Variants in LUC7L observed in about 807,000 individuals in gnomAD.
The protein encoded by LUC7L is LUC7 like, also known as putative RNA-binding protein Luc7-like 1.
Under a neutral mutation model 51.1 loss-of-function variants are expected in LUC7L, and 29 were observed. The ratio of observed to expected loss-of-function variants is 0.57; its 90% CI spans 0.42 to 0.77. The LOEUF (loss-of-function observed/expected upper bound fraction) is 0.77, where lower values mean the gene tolerates loss of function less well. Among genes scored for constraint, LUC7L ranks in the 30% least tolerant of loss-of-function variants. The pLI is 0.00. For missense variants in LUC7L, 403 were observed against 511.9 expected, an observed-to-expected ratio of 0.79 and a Z score of 2.05; for synonymous variants, 181 against 180.7, an observed-to-expected ratio of 1.00 and a Z score of -0.01.
chr16:205,159 T>C (rs913938081), intron 5 of LUC7L, among the ~76,000 whole-genome samples: 7 of 152,210 alleles, frequency 4.6e-5, no homozygotes, highest in Non-Finnish European at 1.0e-4. Context: ...CTGTCATGTA[T>C]GGTCTGTAAG....
intron 6 of LUC7L, among the ~76,000 whole-genome samples, chr16:198,344 G>T (rs941582419): frequency 1.3e-5 from 2 of 149,390 alleles, no homozygotes; most frequent in Non-Finnish European, 3.0e-5. Flanking sequence ...AAGGAACAGA[G>T]GTTTTCTCTG....
At chr16:199,290 C>T (rs573213421) in intron 5 of LUC7L, 52 bp from the exon 6 acceptor site, 1 of 1,106,776 alleles carries the variant, frequency 9.0e-7, no homozygotes, top group South Asian at 1.6e-5. Flanking sequence ...ACTGCCACCA[C>T]AAATTCAATC....
chr16:216,389 T>G (rs1423636962), intron 3 of LUC7L, among the ~76,000 whole-genome samples: 10 of 148,932 alleles, frequency 6.7e-5, no homozygotes, highest in East Asian at 3.9e-4. Flanking sequence ...TGTTTTTTTT[T>G]TTTTTTTTTT....
At chr16:220,882 A>G in intron 2 of LUC7L, 135 bp from the exon 3 acceptor site, 4 of 634,896 alleles carry the variant, frequency 6.3e-6, no homozygotes, top group Non-Finnish European at 1.1e-5. Flanking sequence ...AAGAAAATTA[A>G]GAAAGGAGAT....
intron 5 of LUC7L, among the ~76,000 whole-genome samples, chr16:199,883 A>G (rs2049272660): frequency 6.6e-6 from 1 of 150,846 alleles, no homozygotes; most frequent in Admixed American, 6.6e-5. Flanking sequence ...CCAGCTACTC[A>G]GGAGGCTGAG....
intron 3 of LUC7L, among the ~76,000 whole-genome samples, chr16:218,053 C>A (rs987889408): frequency 2.0e-5 from 3 of 150,540 alleles, no homozygotes; most frequent in South Asian, 4.2e-4. Flanking sequence ...ATTAGCCAGG[C>A]ATGGTGGCAG....
At chr16:207,866 G>C (rs548469342) in intron 4 of LUC7L, among the ~76,000 whole-genome samples, 14 of 152,130 alleles carry the variant, frequency 9.2e-5, no homozygotes, top group Admixed American at 2.0e-4. Context: ...AAAATTAGCC[G>C]GGCATGGTGG....
intron 6 of LUC7L, among the ~76,000 whole-genome samples, chr16:194,057 C>G (rs2049087080): frequency 6.6e-6 from 1 of 152,114 alleles, no homozygotes; most frequent in Non-Finnish European, 1.5e-5. Flanking sequence ...CCCGCCTCGG[C>G]CTCCCACAGT....
chr16:204,445 T>C (rs1387515897), intron 5 of LUC7L, among the ~76,000 whole-genome samples: 3 of 151,904 alleles, frequency 2.0e-5, no homozygotes, highest in Non-Finnish European at 4.4e-5. Flanking sequence ...TACAAAAAAA[T>C]TAGCCGGGCG....
chr16:229,315 C>A lies in LUC7L; in HGVS notation c.25G>T (p.Ala9Ser). Residue 9 changes from alanine to serine, a missense_variant, in exon 1 of 10, where the codon GCC becomes TCC. Ala to Ser is a moderately conservative substitution (Grantham distance 99). Transcript: ENST00000293872. MSAQAQMRALLDQLMGTAR... is the reference protein window; with the variant it reads MSAQAQMRSLLDQLMGTAR... ...GTGCCCATGAGCTGGTCCAGCAGGGCCCGCATCTGCGCCTGGGCGGACATG... is the reference window on the plus strand; with the variant it reads ...GTGCCCATGAGCTGGTCCAGCAGGGACCGCATCTGCGCCTGGGCGGACATG... The A allele has an allele frequency of 6.5e-7, 1 of 1,529,534 alleles. No homozygotes were observed. Among genetic ancestry groups the A allele is most frequent in the Non-Finnish European group, 8.7e-7 (1 of 1,145,208 alleles). 94.7% of individuals were successfully genotyped at this position (1,529,534 alleles called of 1,614,324 possible).
At chr16:200,142 G>T (rs969242609) in intron 5 of LUC7L, among the ~76,000 whole-genome samples, 2 of 152,122 alleles carry the variant, frequency 1.3e-5, no homozygotes, top group Admixed American at 1.3e-4. Flanking sequence ...ACAAAAATTG[G>T]CCGGGCGCGG....
At chr16:206,514 G>A (rs2049487927) in intron 4 of LUC7L, among the ~76,000 whole-genome samples, 2 of 152,106 alleles carry the variant, frequency 1.3e-5, no homozygotes, top group South Asian at 4.1e-4. Context: ...TTTACCTTCT[G>A]AAACAAAATA....
rs1233149081 is a variant in LUC7L at position 229,033 on chromosome 16, G to A, written c.61+246C>T. 6 of 1,428,374 alleles carry A rather than the reference G, an allele frequency of 4.2e-6. No homozygotes were observed. The East Asian group carries it at 1.1e-4, about 25-fold the overall frequency. 88.5% of individuals were successfully genotyped at this position (1,428,374 alleles called of 1,614,324 possible). ...GGAGGAAGTAGCAGGACGGTACATA[G>A]GAAGGAGGCTGAAGCCCCATCCATG... On this transcript the variant is annotated intron_variant, in intron 1 of 9. Coordinates refer to ENST00000293872, the MANE Select transcript of LUC7L (RefSeq NM_201412.3).
At position 219,248 on chromosome 16, in the gene LUC7L, G is replaced by T. The variant is rs536558757; in HGVS notation, c.255+1401C>A. 2.0e-5 allele frequency among the ~76,000 whole-genome samples: 3 copies of T among 152,174 alleles called. No homozygotes were observed. In the East Asian group the frequency reaches 5.8e-4, roughly 29 times the overall value. On this transcript the variant is annotated intron_variant, in intron 3 of 9. Coordinates refer to ENST00000293872, the MANE Select transcript of LUC7L (RefSeq NM_201412.3). ...TACCAAAAATACAAAAATGAGCTGG[G>T]CATGGTGGCGCATGCCTGTCATCCC...
At chr16:220,512 G>A in intron 3 of LUC7L, 137 bp downstream of exon 3, 1 of 687,124 alleles carries the variant, frequency 1.5e-6, no homozygotes, top group Non-Finnish European at 2.6e-6. Flanking sequence ...CTGTATTCTA[G>A]CTCTGAGCTT....
At chr16:193,198 G>C (rs71376702) in intron 6 of LUC7L, among the ~76,000 whole-genome samples, 183 bp from the exon 7 acceptor site, 4 of 152,226 alleles carry the variant, frequency 2.6e-5, no homozygotes, top group Admixed American at 6.5e-5. Context: ...CACCAGGCTG[G>C]AGTGCAGTGG....
At chr16:217,109 T>G (rs574432576) in intron 3 of LUC7L, among the ~76,000 whole-genome samples, 1 of 152,050 alleles carries the variant, frequency 6.6e-6, no homozygotes, top group African/African-American at 2.4e-5. Context: ...CTTCACCAAC[T>G]GGGTTCAAGC....
intron 3 of LUC7L, 190 bp downstream of exon 3, chr16:220,459 G>A (rs2049933538): frequency 3.8e-6 from 2 of 533,244 alleles, no homozygotes; most frequent in Non-Finnish European, 6.6e-6. Flanking sequence ...TTATCATTTA[G>A]GACACTGACA....
intron 6 of LUC7L, among the ~76,000 whole-genome samples, chr16:194,133 C>T (rs1318703639): frequency 6.7e-6 from 1 of 149,898 alleles, no homozygotes; most frequent in African/African-American, 2.5e-5. Flanking sequence ...GGGTCTTGCT[C>T]TGTCCACCCA....
Sources: gnomAD v4.1 joint callset for allele counts (sites outside exome capture counted in the v4.1 genomes callset) on GRCh38, gnomAD v4.1.1 for gene constraint, MANE v1.5 for transcripts, NCBI Gene and HGNC (gene_info 2026-07-23, HGNC 2026-07-21) for gene names.